The following XKR9 variants were observed in gnomAD, a reference collection of about 807,000 sequenced individuals.
XKR9 encodes the protein XK related 9.
XKR9 carries 32 observed loss-of-function variants against 32.0 expected under a neutral mutation model. The ratio of observed to expected loss-of-function variants is 1.00; its 90% CI spans 0.76 to 1.34. The LOEUF (loss-of-function observed/expected upper bound fraction) is 1.34, where lower values mean the gene tolerates loss of function less well. XKR9 is among the 40% of genes most tolerant of loss of function. The probability of loss-of-function intolerance (pLI) is 0.00; values close to 1 mark genes in which losing one functional copy is unlikely to be tolerated. For synonymous variants in XKR9, 168 were observed against 143.4 expected, an observed-to-expected ratio of 1.17 and a Z score of -1.22; for missense variants, 546 against 429.7, an observed-to-expected ratio of 1.27 and a Z score of -2.39.
intron 3 of XKR9, among the ~76,000 whole-genome samples, chr8:70,689,556 GC>G (rs1485004028): frequency 6.7e-6 from 1 of 150,304 alleles, no homozygotes; most frequent in Non-Finnish European, 1.5e-5. Flanking sequence ...TATCATACTT[GC>G]ATACATGTAA....
chr8:70,983,792 A>C, the XKR9 span, among the ~76,000 whole-genome samples: 1 of 151,102 alleles, frequency 6.6e-6, no homozygotes, highest in Non-Finnish European at 1.5e-5. Flanking sequence ...AAAATAAATA[A>C]ATAAATAAAT....
the XKR9 span, among the ~76,000 whole-genome samples, chr8:70,995,183 G>C: frequency 6.6e-6 from 1 of 152,146 alleles, no homozygotes; most frequent in Non-Finnish European, 1.5e-5. Context: ...AAGTGGCTGA[G>C]AGAAAGGAAG....
chr8:70,804,318 A>G, the XKR9 span, among the ~76,000 whole-genome samples: 1 of 152,232 alleles, frequency 6.6e-6, no homozygotes, highest in Non-Finnish European at 1.5e-5. Context: ...ACAGAGAAGT[A>G]AGACTGCTGG....
At position 70,785,739 on chromosome 8, in the gene XKR9, C is replaced by CTA. The variant is rs58917686; in HGVS notation, n.353-3584_353-3583dup. On this transcript the variant is annotated intron_variant and non_coding_transcript_variant, in intron 2 of 3. Coordinates refer to the XKR9 transcript ENST00000520273. Reference sequence around the variant, plus strand: ...TTTTGCTCTCTCTCTCTCTCTCTCTCTATATATATATATATATGTATATAT... The same window carrying CTA: ...TTTTGCTCTCTCTCTCTCTCTCTCTCTATATATATATATATATATGTATATAT... 7.2e-3 allele frequency among the ~76,000 whole-genome samples: 942 copies of CTA among 131,186 alleles called. 12 individuals are homozygous for CTA. Among genetic ancestry groups the CTA allele is most frequent in the South Asian group, 0.037 (153 of 4,132 alleles). The allele number at this position is 131,186 out of a possible 152,430, so 86.1% of individuals were successfully genotyped here. A position where few individuals can be genotyped will look rare whatever the true frequency, so the allele number is the denominator to read the frequency against.
At chr8:70,905,399 A>T in the XKR9 span, among the ~76,000 whole-genome samples, 11 of 151,960 alleles carry the variant, frequency 7.2e-5, no homozygotes, top group Non-Finnish European at 1.5e-4. Flanking sequence ...CCTTCCTTCC[A>T]CTTGATCAAA....
the XKR9 span, among the ~76,000 whole-genome samples, chr8:70,948,335 G>T: frequency 5.3e-5 from 8 of 152,192 alleles, no homozygotes; most frequent in South Asian, 1.7e-3. Flanking sequence ...GTCTTTCAGT[G>T]CTGGGACTTA....
chr8:70,738,699 C>G (rs1355039979), downstream of XKR9, among the ~76,000 whole-genome samples: 1 of 152,064 alleles, frequency 6.6e-6, no homozygotes, highest in East Asian at 1.9e-4. Flanking sequence ...CAAAGAACAT[C>G]TTTATTTCTG....
At chr8:70,998,999 T>A in the XKR9 span, among the ~76,000 whole-genome samples, 21 of 152,136 alleles carry the variant, frequency 1.4e-4, no homozygotes, top group African/African-American at 5.1e-4. Flanking sequence ...AAGTTGGTCC[T>A]CCATATCCAT....
intron 2 of XKR9, among the ~76,000 whole-genome samples, chr8:70,745,705 A>G (rs572774988): frequency 1.2e-4 from 18 of 152,218 alleles, no homozygotes; most frequent in Non-Finnish European, 2.1e-4. Flanking sequence ...ACTAGAGGGC[A>G]ATGGAACCAC....
At chr8:70,741,946 C>G (rs953827552) in intron 2 of XKR9, among the ~76,000 whole-genome samples, 1 of 147,952 alleles carries the variant, frequency 6.8e-6, no homozygotes, top group African/African-American at 2.5e-5. Context: ...TATATCCTCA[C>G]CAACACGTGT....
At chr8:70,768,081 C>T (rs1807402606) in intron 2 of XKR9, among the ~76,000 whole-genome samples, 1 of 152,196 alleles carries the variant, frequency 6.6e-6, no homozygotes, top group African/African-American at 2.4e-5. Context: ...TCCCACTAAA[C>T]ACTGCTTTAG....
chr8:70,735,973 A>G (rs1806853847), downstream of XKR9: 1 of 152,120 alleles, frequency 6.6e-6, no homozygotes, highest in Non-Finnish European at 1.5e-5. Context: ...CTTTGGGTAT[A>G]TACCCAGTAA....
the XKR9 span, among the ~76,000 whole-genome samples, chr8:70,813,207 T>TA: frequency 4.6e-5 from 7 of 152,180 alleles, no homozygotes; most frequent in Non-Finnish European, 1.5e-5. Flanking sequence ...ATTCCCTATT[T>TA]AATAAATGGT....
At chr8:70,727,636 G>T (rs1242746340) in intron 4 of XKR9, among the ~76,000 whole-genome samples, 3 of 152,024 alleles carry the variant, frequency 2.0e-5, no homozygotes, top group East Asian at 1.9e-4. Context: ...CTTACCTCAT[G>T]ATCTGCCCGC....
the XKR9 span, among the ~76,000 whole-genome samples, chr8:70,893,545 T>A: frequency 6.6e-6 from 1 of 152,132 alleles, no homozygotes; most frequent in Non-Finnish European, 1.5e-5. Flanking sequence ...TTGGGAAGGT[T>A]ATGGTGGTTC....
chr8:70,716,658 C>A (rs931495924), intron 4 of XKR9, among the ~76,000 whole-genome samples: 2 of 152,116 alleles, frequency 1.3e-5, no homozygotes, highest in Admixed American at 6.5e-5. Flanking sequence ...TATAGGATTA[C>A]AATTCAAGAT....
intron 2 of XKR9, among the ~76,000 whole-genome samples, chr8:70,677,600 C>T (rs760357089): frequency 1.5e-4 from 23 of 152,126 alleles, no homozygotes; most frequent in Non-Finnish European, 2.9e-4. Context: ...GTGTTATACT[C>T]ACACAGCTAT....
the XKR9 span, among the ~76,000 whole-genome samples, chr8:70,970,457 A>G: frequency 7.2e-4 from 110 of 152,150 alleles, 1 homozygote; most frequent in Middle Eastern, 0.01. Flanking sequence ...TCCTGATGTT[A>G]TCCCTCTCCT....
chr8:70,717,681 A>G (rs1028422887), intron 4 of XKR9, among the ~76,000 whole-genome samples: 1 of 152,144 alleles, frequency 6.6e-6, no homozygotes, highest in African/African-American at 2.4e-5. Context: ...GGCTGCAGTA[A>G]AGGTCTCTGG....
Sources: allele counts gnomAD v4.1 joint callset (sites outside exome capture counted in the v4.1 genomes callset), GRCh38; gene constraint gnomAD v4.1.1; transcripts MANE v1.5; gene names NCBI Gene and HGNC (gene_info 2026-07-23, HGNC 2026-07-21).